HDAC1: variants seen among roughly 807,000 people sequenced by gnomAD.
HDAC1 encodes the protein histone deacetylase 1.
A neutral mutation model predicts 65.5 loss-of-function variants in HDAC1; 18 were observed. That is an observed-to-expected ratio of 0.27 (90% CI 0.19 to 0.41). HDAC1 has a LOEUF of 0.41. Among genes scored for constraint, HDAC1 ranks in the 10% least tolerant of loss-of-function variants. HDAC1 has a pLI of 1.00. For synonymous variants in HDAC1, 211 were observed against 227.9 expected, an observed-to-expected ratio of 0.93 and a Z score of 0.67; for missense variants, 373 against 625.2, an observed-to-expected ratio of 0.60 and a Z score of 4.30.
chr1:32,322,896 G>A (rs2148068227), intron 3 of HDAC1, among the ~76,000 whole-genome samples: 1 of 152,296 alleles, frequency 6.6e-6, no homozygotes, highest in Non-Finnish European at 1.5e-5. Context: ...CCTCCGCACA[G>A]TGGGGTTGAT....
chr1:32,306,748 C>A (rs1380199701), intron 2 of HDAC1, among the ~76,000 whole-genome samples: 1 of 152,180 alleles, frequency 6.6e-6, no homozygotes, highest in East Asian at 1.9e-4. Context: ...CAGTAGGCCA[C>A]TCTTATCTGA....
At position 32,302,585 on chromosome 1, in the gene HDAC1, A is replaced by T. The variant is rs116702988; in HGVS notation, c.50-36A>T. ...GGGTTCTCCTGGTAGTGTATGCCTAACTGTGTTAGTGAAGCTGTCACTCTC... is the reference window on the plus strand; with the variant it reads ...GGGTTCTCCTGGTAGTGTATGCCTATCTGTGTTAGTGAAGCTGTCACTCTC... On this transcript the variant is annotated intron_variant, in intron 1 of 13. Coordinates refer to ENST00000373548, the MANE Select transcript of HDAC1 (RefSeq NM_004964.3). 7,886 of 1,017,486 alleles carry T rather than the reference A, an allele frequency of 7.8e-3. 45 individuals are homozygous for T. The highest frequency in any genetic ancestry group is 0.02 in the Middle Eastern group (101 of 4,944). The allele number at this position is 1,017,486 out of a possible 1,614,324, so 63.0% of individuals were successfully genotyped here. A position where few individuals can be genotyped will look rare whatever the true frequency, so the allele number is the denominator to read the frequency against.
In HDAC1 at chr1:32,330,337, C is replaced by G; in HGVS notation, c.730-241C>G. 2.1e-6 allele frequency: 1 copy of G among 478,122 alleles called. No homozygotes were observed. The highest frequency in any genetic ancestry group is 3.5e-5 in the Admixed American group (1 of 28,790). 29.6% of individuals were successfully genotyped at this position (478,122 alleles called of 1,614,324 possible). Reference sequence around the variant, plus strand: ...GAGACTTAGGGAGTTGAGAGGGAGGCCATTCTAGGTTCAGTGTTACTAGAG... The same window carrying G: ...GAGACTTAGGGAGTTGAGAGGGAGGGCATTCTAGGTTCAGTGTTACTAGAG... On this transcript the variant is annotated intron_variant, in intron 7 of 13. Coordinates refer to ENST00000373548, the MANE Select transcript of HDAC1 (RefSeq NM_004964.3). This position sits in a 1 kb window ranked among gnomAD's most constrained non-coding sequence, Gnocchi z 4.2.
At chr1:32,313,709 T>G (rs780209259) in intron 2 of HDAC1, among the ~76,000 whole-genome samples, 7 of 152,230 alleles carry the variant, frequency 4.6e-5, no homozygotes, top group Non-Finnish European at 8.8e-5. Context: ...GGCCACTATC[T>G]GTATGGTGTT....
intron 1 of HDAC1, 94 bp from the exon 2 acceptor site, chr1:32,302,527 G>T: frequency 1.0e-5 from 6 of 588,760 alleles, no homozygotes; most frequent in Non-Finnish European, 9.7e-6. Context: ...GAGCCAGAAA[G>T]AATTTGACTG....
intron 1 of HDAC1, among the ~76,000 whole-genome samples, chr1:32,299,193 C>T (rs1640812481): frequency 6.6e-6 from 1 of 151,958 alleles, no homozygotes; most frequent in Non-Finnish European, 1.5e-5. Context: ...TGGACAGTGT[C>T]CCTCATGCTG....
rs754533382 is a variant in HDAC1 at position 32,331,844 on chromosome 1, A to C, written c.1219+38A>C. On this transcript the variant is annotated intron_variant, in intron 11 of 13. Coordinates refer to ENST00000373548, the MANE Select transcript of HDAC1 (RefSeq NM_004964.3). This position sits in a 1 kb window ranked among gnomAD's most constrained non-coding sequence, Gnocchi z 4.2. Reference sequence around the variant, plus strand: ...CCTAGAGCCCTATGCCTTCCATTCAATAGGCAGCTCACACTTCCACCACCA... The same window carrying C: ...CCTAGAGCCCTATGCCTTCCATTCACTAGGCAGCTCACACTTCCACCACCA... 6.4e-7 allele frequency: 1 copy of C among 1,566,134 alleles called. No homozygotes were observed. Among genetic ancestry groups the C allele is most frequent in the South Asian group, 1.2e-5 (1 of 85,684 alleles).
rs1000619193 is a variant in HDAC1 at position 32,303,088 on chromosome 1, G to T, written c.162+355G>T. Among the ~76,000 whole-genome samples, 8 of 152,258 alleles carry T rather than the reference G, an allele frequency of 5.3e-5. No individual in the cohort carries two copies. The South Asian group carries it at 1.7e-3, about 32-fold the overall frequency. On this transcript the variant is annotated intron_variant, in intron 2 of 13. Coordinates refer to ENST00000373548, the MANE Select transcript of HDAC1 (RefSeq NM_004964.3). ...CTTGGGAGGCTAAGGTGGGAAGACT[G>T]CTAGAGCCTGGGAGGTCGAGGCTGT...
rs1641230758 is a variant in HDAC1 at position 32,327,223 on chromosome 1, C to A, written c.494+146C>A. On this transcript the variant is annotated intron_variant, in intron 5 of 13. Transcript: ENST00000373548. This position sits in a 1 kb window ranked among gnomAD's most constrained non-coding sequence, Gnocchi z 6.0. ...CGGTGAGTGTCTCTGGCCATCATCT[C>A]CTTGATGGGGTCTTGGTTTGATCTG... 1 of 754,864 alleles carries A rather than the reference C, an allele frequency of 1.3e-6. No individual in the cohort carries two copies. Among genetic ancestry groups the A allele is most frequent in the Non-Finnish European group, 2.2e-6 (1 of 460,120 alleles). The allele number at this position is 754,864 out of a possible 1,614,324, so 46.8% of individuals were successfully genotyped here.
intron 2 of HDAC1, among the ~76,000 whole-genome samples, chr1:32,313,048 C>T (rs1641011340): frequency 6.6e-6 from 1 of 151,954 alleles, no homozygotes; most frequent in Non-Finnish European, 1.5e-5. Flanking sequence ...TGAACACATT[C>T]TGGCCTGGAG....
chr1:32,331,492 A>G lies in HDAC1; in HGVS notation c.998A>G (p.Tyr333Cys). ...CAATCAGAGCTTCCATACAATGACT[A>G]CTTTGAATACTTTGGACCAGATTTC... is the stretch of plus-strand genomic sequence containing the variant. ...EIPNELPYND[Y>C]FEYFGPDFKL... The change falls in exon 10 of 14, where the codon TAC (tyrosine) becomes TGC (cysteine). Residue 333 changes from tyrosine (Y) to cysteine (C), a missense_variant. This residue lies in a region of HDAC1 where 105 missense variants were observed against 192.6 expected (regional missense o/e 0.55). Transcript: ENST00000373548. This position sits in a 1 kb window ranked among gnomAD's most constrained non-coding sequence, Gnocchi z 4.2. 1.1e-5 allele frequency: 18 copies of G among 1,607,246 alleles called. No individual in the cohort carries two copies. Among genetic ancestry groups the G allele is most frequent in the Non-Finnish European group, 1.5e-5 (18 of 1,173,752 alleles).
In HDAC1 at chr1:32,311,397, G is replaced by A. The variant is rs529356749; in HGVS notation, c.163-5268G>A. 4.1e-4 allele frequency among the ~76,000 whole-genome samples: 63 copies of A among 152,214 alleles called. 1 individual carries two copies. The highest frequency in any genetic ancestry group is 1.0e-3 in the South Asian group (5 of 4,822). On this transcript the variant is annotated intron_variant, in intron 2 of 13. Coordinates refer to ENST00000373548, the MANE Select transcript of HDAC1 (RefSeq NM_004964.3). ...ACGGGAGAATCGCTGAACTTGGGCA[G>A]CAGAAGTTGCAATGAGCCGAGATCG...
intron 1 of HDAC1, among the ~76,000 whole-genome samples, chr1:32,298,369 C>G (rs191266258): frequency 1.8e-4 from 27 of 149,174 alleles, no homozygotes; most frequent in Admixed American, 4.7e-4. Context: ...TTACAGGCGT[C>G]AGGCACCGCG....
intron 12 of HDAC1, 59 bp downstream of exon 12, chr1:32,332,301 G>A (rs752253191): frequency 6.7e-7 from 1 of 1,501,528 alleles, no homozygotes; most frequent in Non-Finnish European, 9.1e-7. Flanking sequence ...ATCTATGTAG[G>A]GCAGTGGGAG....
At chr1:32,306,923 A>G (rs1640918372) in intron 2 of HDAC1, among the ~76,000 whole-genome samples, 1 of 152,200 alleles carries the variant, frequency 6.6e-6, no homozygotes, top group Non-Finnish European at 1.5e-5. Context: ...CAATTATAGC[A>G]ATAAGCCGTT....
At chr1:32,292,502 G>A in intron 1 of HDAC1, 1 of 919,734 alleles carries the variant, frequency 1.1e-6, no homozygotes, top group Non-Finnish European at 1.3e-6. Context: ...CTCCTAGAGG[G>A]GAGGGTGCGT....
chr1:32,305,568 T>A (rs1413162217), intron 2 of HDAC1, among the ~76,000 whole-genome samples: 2 of 152,050 alleles, frequency 1.3e-5, no homozygotes, highest in African/African-American at 4.8e-5. Flanking sequence ...CTACTGAAAT[T>A]CCTATTCAAC....
chr1:32,333,226 GCCAC>G lies in HDAC1; in HGVS notation c.*184_*187del, dbSNP rs1392713208. The G allele has an allele frequency of 9.3e-5, 45 of 484,600 alleles. No homozygotes were observed. The highest frequency in any genetic ancestry group is 2.5e-4 in the South Asian group (7 of 27,970). The allele number at this position is 484,600 out of a possible 1,614,324, so 30.0% of individuals were successfully genotyped here. ...CTGTGCTGGGTGAGCTCTTCCAGGAGCCACCTTGCCACCCATTCTTCCCGTTCTT... is the reference window on the plus strand; with the variant it reads ...CTGTGCTGGGTGAGCTCTTCCAGGAGCTTGCCACCCATTCTTCCCGTTCTT... On this transcript the variant is annotated 3_prime_UTR_variant, in exon 14 of 14. Coordinates refer to ENST00000373548, the MANE Select transcript of HDAC1 (RefSeq NM_004964.3).
Position 32,324,480 on chromosome 1 carries a change from C to A in HDAC1, c.282C>A (p.Phe94Leu). ...AACCTTTTGCTTATTTCTTTCAAGTCAACGTTGGTGAGGACTGTCCAGTAT... is the reference window on the plus strand; with the variant it reads ...AACCTTTTGCTTATTTCTTTCAAGTAAACGTTGGTGAGGACTGTCCAGTAT... The part of the protein sequence containing the change: ...MSEYSKQMQR[F>L]NVGEDCPVFD... Residue 94 changes from phenylalanine (F) to leucine (L), a missense_variant and splice_region_variant, in exon 4 of 14, where the codon TTC becomes TTA. By Grantham distance (22) the Phe-to-Leu change is conservative (BLOSUM62 0). Around this residue, in one of 4 missense-constraint regions of HDAC1, gnomAD observed 80 missense variants for 126.3 expected, o/e 0.63. Transcript: ENST00000373548. The A allele has an allele frequency of 6.2e-7, 1 of 1,608,150 alleles. No homozygotes were observed. Among genetic ancestry groups the A allele is most frequent in the Non-Finnish European group, 8.5e-7 (1 of 1,174,694 alleles).
Sources: allele counts gnomAD v4.1 joint callset (sites outside exome capture counted in the v4.1 genomes callset), GRCh38; gene constraint gnomAD v4.1.1; regional missense constraint gnomAD v4.1.1; non-coding constraint Gnocchi (gnomAD v3.1); transcripts MANE v1.5; gene names NCBI Gene and HGNC (gene_info 2026-07-23, HGNC 2026-07-21).